The following MLLT1 variants were observed in gnomAD, a reference collection of about 807,000 sequenced individuals.
MLLT1 encodes MLLT1 super elongation complex subunit, also known as protein ENL.
A neutral mutation model predicts 55.1 loss-of-function variants in MLLT1; 11 were observed. The ratio of observed to expected loss-of-function variants is 0.20; its 90% CI spans 0.13 to 0.33. The LOEUF (loss-of-function observed/expected upper bound fraction) is 0.33, where lower values mean the gene tolerates loss of function less well. Ranked by LOEUF, MLLT1 falls within the 10% of genes least tolerant of loss-of-function variation. The probability of loss-of-function intolerance (pLI) is 1.00; values close to 1 mark genes in which losing one functional copy is unlikely to be tolerated. For missense variants in MLLT1, 536 were observed against 760.6 expected, an observed-to-expected ratio of 0.70 and a Z score of 3.47; for synonymous variants, 323 against 320.1, an observed-to-expected ratio of 1.01 and a Z score of -0.10.
Position 6,212,781 on chromosome 19 carries a change from A to C in MLLT1, c.*261T>G. On this transcript the variant is annotated 3_prime_UTR_variant, in exon 12 of 12. Coordinates refer to ENST00000252674, the MANE Select transcript of MLLT1 (RefSeq NM_005934.4). ...CTGTCTCTGCCCAGAGCTGCCTTCA[A>C]CACCAGCCGCTCTCTGAGGGGAGCC... 1 of 957,460 alleles carries C rather than the reference A, an allele frequency of 1.0e-6. No homozygotes were observed. Among genetic ancestry groups the C allele is most frequent in the Non-Finnish European group, 1.4e-6 (1 of 722,762 alleles). The allele number at this position is 957,460 out of a possible 1,614,324, so 59.3% of individuals were successfully genotyped here.
At chr19:6,213,899 G>T in intron 9 of MLLT1, 40 bp downstream of exon 9, 5 of 1,492,256 alleles carry the variant, frequency 3.4e-6, no homozygotes, top group Non-Finnish European at 4.5e-6. Context: ...GGCTAAGCCC[G>T]GCCTCTGGTG....
chr19:6,230,678 C>T lies in MLLT1; in HGVS notation c.312G>A (p.Leu104=), dbSNP rs764171551. 6 of 1,613,992 alleles carry T rather than the reference C, an allele frequency of 3.7e-6. No homozygotes were observed. Among genetic ancestry groups the T allele is most frequent in the Non-Finnish European group, 3.4e-6 (4 of 1,180,036 alleles). Reference sequence around the variant, plus strand: ...GCGGGTTGCCTTCCAGGTTCAGGAACAGGTCGTAGGTGAAGCAGACCTTCC... The same window carrying T: ...GCGGGTTGCCTTCCAGGTTCAGGAATAGGTCGTAGGTGAAGCAGACCTTCC... ...EPRKVCFTYD[L]FLNLEGNPPV... Residue 104 remains leucine (L), a synonymous_variant, in exon 4 of 12, where the codon CTG becomes CTA. Coordinates refer to ENST00000252674, the MANE Select transcript of MLLT1 (RefSeq NM_005934.4). This position sits in a 1 kb window ranked among gnomAD's most constrained non-coding sequence, Gnocchi z 9.0.
chr19:6,273,274 G>A lies in MLLT1; in HGVS notation c.13-2515C>T. Among the ~76,000 whole-genome samples the A allele has an allele frequency of 6.6e-6, 1 of 152,100 alleles. No individual in the cohort carries two copies. The highest frequency in any genetic ancestry group is 1.9e-4 in the East Asian group (1 of 5,178). On this transcript the variant is annotated intron_variant, in intron 1 of 11. Transcript: ENST00000252674. This position sits in a 1 kb window ranked among gnomAD's most constrained non-coding sequence, Gnocchi z 4.3. The stretch of plus-strand genomic sequence containing the variant: ...AGGAGGCAACCAGAAGGAGTGGCTG[G>A]AAAAAGGGGTGAACACAGCCCAAAG...
chr19:6,249,374 A>C (rs2091195744), intron 3 of MLLT1, among the ~76,000 whole-genome samples: 1 of 152,194 alleles, frequency 6.6e-6, no homozygotes, highest in Non-Finnish European at 1.5e-5. Flanking sequence ...AAGGGCTTTA[A>C]ATATCTCTGA....
chr19:6,266,170 G>A (rs1209575482), intron 2 of MLLT1, among the ~76,000 whole-genome samples: 1 of 150,452 alleles, frequency 6.6e-6, no homozygotes, highest in Non-Finnish European at 1.5e-5. Context: ...TCAGCTACTT[G>A]GGAGGCTGAG....
At position 6,245,835 on chromosome 19, in the gene MLLT1, C is replaced by A. The variant is rs112862790; in HGVS notation, c.277-15122G>T. Among the ~76,000 whole-genome samples, 398 of 152,288 alleles carry A rather than the reference C, an allele frequency of 2.6e-3. 1 individual carries two copies. The highest frequency in any genetic ancestry group is 9.1e-3 in the African/African-American group (379 of 41,556). The stretch of plus-strand genomic sequence containing the variant: ...GACTGCTTAAGTCCAGGAGACAGAG[C>A]TGTGTGAGCTGTGACTGCACCACTG... On this transcript the variant is annotated intron_variant, in intron 3 of 11. Coordinates refer to ENST00000252674, the MANE Select transcript of MLLT1 (RefSeq NM_005934.4).
rs144868650 is a variant in MLLT1, at chr19:6,234,655, C to T, written c.277-3942G>A. Among the ~76,000 whole-genome samples, 1,202 of 152,222 alleles carry T rather than the reference C, an allele frequency of 7.9e-3. 5 individuals carry two copies. Among genetic ancestry groups the T allele is most frequent in the South Asian group, 0.018 (88 of 4,820 alleles). On this transcript the variant is annotated intron_variant, in intron 3 of 11. Coordinates refer to ENST00000252674, the MANE Select transcript of MLLT1 (RefSeq NM_005934.4). Reference sequence around the variant, plus strand: ...GAGAGACCAAGCCTCCAGATTCAGGCCCCCAAGACACGGACACACGAGTCA... The same window carrying T: ...GAGAGACCAAGCCTCCAGATTCAGGTCCCCAAGACACGGACACACGAGTCA...
At position 6,227,375 on chromosome 19, in the gene MLLT1, G is replaced by A. The variant is rs1836623176; in HGVS notation, c.421-273C>T. On this transcript the variant is annotated intron_variant, in intron 4 of 11. Coordinates refer to ENST00000252674, the MANE Select transcript of MLLT1 (RefSeq NM_005934.4). This position sits in a 1 kb window ranked among gnomAD's most constrained non-coding sequence, Gnocchi z 5.1. ...GGCCTTCCGGGAACAGTGGACCGGA[G>A]GGCTGGCCCAAGAAGACTTGCGGAG... is the stretch of plus-strand genomic sequence containing the variant. Among the ~76,000 whole-genome samples, 5 of 152,228 alleles carry A rather than the reference G, an allele frequency of 3.3e-5. No individual in the cohort carries two copies.
At position 6,213,652 on chromosome 19, in the gene MLLT1, G is replaced by A. The variant is rs111770151; in HGVS notation, c.1479+74C>T. Reference sequence around the variant, plus strand: ...ACTGTGGGGTGTTGGGGGGCTCTGGGGTCCTCCACTGGCTGCAACTCCCAC... The same window carrying A: ...ACTGTGGGGTGTTGGGGGGCTCTGGAGTCCTCCACTGGCTGCAACTCCCAC... On this transcript the variant is annotated intron_variant, in intron 10 of 11. Transcript: ENST00000252674. The A allele has an allele frequency of 8.8e-5, 125 of 1,427,104 alleles. No individual in the cohort carries two copies. In the African/African-American group the frequency reaches 9.5e-4, roughly 11 times the overall value. 88.4% of individuals were successfully genotyped at this position (1,427,104 alleles called of 1,614,324 possible). A position where few individuals can be genotyped will look rare whatever the true frequency, so the allele number is the denominator to read the frequency against.
intron 3 of MLLT1, among the ~76,000 whole-genome samples, chr19:6,239,467 C>T (rs568349060): frequency 6.6e-6 from 1 of 152,310 alleles, no homozygotes; most frequent in East Asian, 1.9e-4. Context: ...GAACCAGGCA[C>T]AGCGGCCTGT....
intron 3 of MLLT1, among the ~76,000 whole-genome samples, chr19:6,243,804 G>A (rs540662316): frequency 6.6e-6 from 1 of 152,220 alleles, no homozygotes; most frequent in East Asian, 1.9e-4. Flanking sequence ...AGCACTTTGG[G>A]AGACCGAGGC....
In MLLT1 at chr19:6,222,219, C is replaced by G; in HGVS notation, c.1012G>C (p.Gly338Arg). 6.2e-7 allele frequency: 1 copy of G among 1,612,766 alleles called. No homozygotes were observed. Among genetic ancestry groups the G allele is most frequent in the Non-Finnish European group, 8.5e-7 (1 of 1,179,514 alleles). Residue 338 changes from glycine to arginine, a missense_variant, in exon 6 of 12, where the codon GGG (glycine) becomes CGG (arginine). Physicochemically the swap from Gly to Arg is moderately radical, Grantham distance 125. Around this residue, in one of 3 missense-constraint regions of MLLT1, gnomAD observed 449 missense variants for 489.0 expected, o/e 0.92. Coordinates refer to ENST00000252674, the MANE Select transcript of MLLT1 (RefSeq NM_005934.4). This position sits in a 1 kb window ranked among gnomAD's most constrained non-coding sequence, Gnocchi z 4.1. ...TCACTCTCGGCCTTCACCTTCTCCC[C>G]TCTGGTGCTGCTCTTGTCCTTGGCC... ...KPAKDKSSTR[G>R]EKVKAESEPR...
At chr19:6,278,383 G>A (rs2091438410) in intron 1 of MLLT1, among the ~76,000 whole-genome samples, 1 of 152,150 alleles carries the variant, frequency 6.6e-6, no homozygotes, top group Non-Finnish European at 1.5e-5. Context: ...GTGTTTATGA[G>A]AACCAACACA....
Position 6,256,839 on chromosome 19 carries a change from A to C in MLLT1, c.276+5389T>G, listed in dbSNP as rs2091261170. Among the ~76,000 whole-genome samples, 1 of 152,262 alleles carries C rather than the reference A, an allele frequency of 6.6e-6. No individual in the cohort carries two copies. Among genetic ancestry groups the C allele is most frequent in the Admixed American group, 6.5e-5 (1 of 15,286 alleles). On this transcript the variant is annotated intron_variant, in intron 3 of 11. Transcript: ENST00000252674. The surrounding 1 kb of genome is among the most constrained non-coding windows in gnomAD (Gnocchi z 4.1). ...ATGGCCAGCATAAGCACAGACACGT[A>C]GACCAATGAAATAGAATTCAGAGTC...
intron 6 of MLLT1, among the ~76,000 whole-genome samples, chr19:6,220,752 G>A (rs1020450023): frequency 4.6e-5 from 7 of 152,232 alleles, no homozygotes; most frequent in African/African-American, 1.2e-4. Flanking sequence ...TGGGGTAGAA[G>A]GGAGGGGACA....
chr19:6,265,413 G>A (rs1039581179), intron 2 of MLLT1, among the ~76,000 whole-genome samples: 1 of 152,220 alleles, frequency 6.6e-6, no homozygotes, highest in African/African-American at 2.4e-5. Context: ...GCTCCCGCCT[G>A]TAATCCCAGT....
At position 6,226,665 on chromosome 19, in the gene MLLT1, G is replaced by A. The variant is rs979162065; in HGVS notation, c.546+312C>T. ...CCCAGCGGCCGCCCCAACAGCCTTC[G>A]GCGAAGGTCTCAGGGCTTCAGGCCG... is the stretch of plus-strand genomic sequence containing the variant. On this transcript the variant is annotated intron_variant, in intron 5 of 11. Coordinates refer to ENST00000252674, the MANE Select transcript of MLLT1 (RefSeq NM_005934.4). This position sits in a 1 kb window ranked among gnomAD's most constrained non-coding sequence, Gnocchi z 6.3. 2.6e-5 allele frequency among the ~76,000 whole-genome samples: 4 copies of A among 152,130 alleles called. No homozygotes were observed. The South Asian group carries it at 8.3e-4, about 32-fold the overall frequency.
intron 1 of MLLT1, among the ~76,000 whole-genome samples, chr19:6,278,724 C>G (rs545974647): frequency 6.6e-6 from 1 of 152,140 alleles, no homozygotes; most frequent in Non-Finnish European, 1.5e-5. Flanking sequence ...CTGAGGGGAA[C>G]AGCAGGCCAT....
At chr19:6,257,750 G>A (rs556415214) in intron 3 of MLLT1, among the ~76,000 whole-genome samples, 3 of 151,210 alleles carry the variant, frequency 2.0e-5, no homozygotes, top group South Asian at 2.1e-4. Context: ...GTAGTGAGCC[G>A]AGATGGCGCC....
Sources: gnomAD v4.1 joint callset for allele counts (sites outside exome capture counted in the v4.1 genomes callset) on GRCh38, gnomAD v4.1.1 for gene constraint, gnomAD v4.1.1 regional missense constraint, Gnocchi (gnomAD v3.1) non-coding constraint, MANE v1.5 for transcripts, NCBI Gene and HGNC (gene_info 2026-07-23, HGNC 2026-07-21) for gene names.